The following UNC5D variants were observed in gnomAD, a reference collection of about 807,000 sequenced individuals.
UNC5D encodes unc-5 netrin receptor D, also known as netrin receptor UNC5D.
Under a neutral mutation model 105.4 loss-of-function variants are expected in UNC5D, and 39 were observed. That is an observed-to-expected ratio of 0.37 (90% CI 0.29 to 0.48). The LOEUF (loss-of-function observed/expected upper bound fraction) is 0.48. Ranked by LOEUF, UNC5D falls within the 20% of genes least tolerant of loss-of-function variation. The probability of loss-of-function intolerance (pLI) is 0.98; values close to 1 mark genes in which losing one functional copy is unlikely to be tolerated. For missense variants in UNC5D, 991 were observed against 1,202.4 expected (o/e 0.82, Z 2.60); for synonymous variants, 452 against 450.4 (o/e 1.00, Z -0.04).
At chr8:35,265,040 C>T (rs371559351) in intron 1 of UNC5D, among the ~76,000 whole-genome samples, 16 of 152,314 alleles carry the variant, frequency 1.1e-4, no homozygotes, top group Admixed American at 7.2e-4. Flanking sequence ...AAGAGATGTG[C>T]TTCTCCAGGT....
At chr8:35,388,101 C>T (rs780700879) in intron 1 of UNC5D, among the ~76,000 whole-genome samples, 1 of 151,800 alleles carries the variant, frequency 6.6e-6, no homozygotes, top group South Asian at 2.1e-4. Context: ...TGGTGGGGTG[C>T]GGTGGCTCAA....
chr8:35,333,575 G>T (rs1810798103), intron 1 of UNC5D, among the ~76,000 whole-genome samples: 2 of 152,074 alleles, frequency 1.3e-5, no homozygotes, highest in South Asian at 2.1e-4. Context: ...CGCCTCCTGG[G>T]TTCAAGTGAT....
chr8:35,373,093 C>T (rs1397523574), intron 1 of UNC5D, among the ~76,000 whole-genome samples: 1 of 152,144 alleles, frequency 6.6e-6, no homozygotes, highest in Non-Finnish European at 1.5e-5. Context: ...ACTTTGATAT[C>T]CTTTCCTGAA....
At chr8:35,327,350 G>T (rs1050016009) in intron 1 of UNC5D, among the ~76,000 whole-genome samples, 1 of 152,152 alleles carries the variant, frequency 6.6e-6, no homozygotes, top group African/African-American at 2.4e-5. Flanking sequence ...TTTTCTGCAT[G>T]CCTGCTTCCC....
At chr8:35,256,964 T>G (rs3108623) in intron 1 of UNC5D, among the ~76,000 whole-genome samples, 51,716 of 146,190 alleles carry the variant, frequency 0.35, 9,762 homozygotes, top group Non-Finnish European at 0.42. Context: ...TTTTTGTTTT[T>G]TTTTTTTTTT....
intron 7 of UNC5D, among the ~76,000 whole-genome samples, chr8:35,699,800 G>T (rs968558113): frequency 6.6e-6 from 1 of 152,142 alleles, no homozygotes; most frequent in African/African-American, 2.4e-5. Context: ...GGTCTCTGAA[G>T]GGTCATTGCT....
intron 1 of UNC5D, among the ~76,000 whole-genome samples, chr8:35,315,406 T>G (rs906731225): frequency 2.6e-5 from 4 of 152,098 alleles, no homozygotes; most frequent in Admixed American, 2.6e-4. Context: ...TTGGCAATTG[T>G]TTTTCTTTTG....
At chr8:35,290,612 T>C (rs1265083351) in intron 1 of UNC5D, among the ~76,000 whole-genome samples, 3 of 152,106 alleles carry the variant, frequency 2.0e-5, no homozygotes, top group African/African-American at 7.2e-5. Flanking sequence ...TATTATATAC[T>C]TCAAAGTAAC....
chr8:35,415,527 CTT>C (rs1805472093), intron 1 of UNC5D, among the ~76,000 whole-genome samples: 4 of 152,116 alleles, frequency 2.6e-5, no homozygotes, highest in Admixed American at 2.0e-4. Context: ...AACAACCACT[CTT>C]TGGTTTCTTG....
chr8:35,614,990 G>T (rs567599777), intron 4 of UNC5D, among the ~76,000 whole-genome samples: 200 of 147,370 alleles, frequency 1.4e-3, no homozygotes, highest in African/African-American at 4.4e-3. Context: ...CAAGAGAATC[G>T]CTTGAGGCCA....
chr8:35,545,569 A>C (rs920882856), intron 1 of UNC5D, among the ~76,000 whole-genome samples: 13 of 151,992 alleles, frequency 8.6e-5, no homozygotes, highest in African/African-American at 3.1e-4. Context: ...AGCCTGACCC[A>C]GTGTGGAACT....
At chr8:35,474,316 C>A (rs1429560659) in intron 1 of UNC5D, among the ~76,000 whole-genome samples, 1 of 151,996 alleles carries the variant, frequency 6.6e-6, no homozygotes. Flanking sequence ...AGAATTGTTC[C>A]TTTTTGTTTG....
intron 9 of UNC5D, among the ~76,000 whole-genome samples, chr8:35,723,830 G>A (rs1828718159): frequency 6.6e-6 from 1 of 152,070 alleles, no homozygotes; most frequent in African/African-American, 2.4e-5. Flanking sequence ...ACAGTTTTGT[G>A]CATAAGTCCG....
At chr8:35,718,573 T>C (rs1828391357) in intron 8 of UNC5D, among the ~76,000 whole-genome samples, 1 of 152,210 alleles carries the variant, frequency 6.6e-6, no homozygotes, top group Non-Finnish European at 1.5e-5. Flanking sequence ...ATATTGTAGC[T>C]TTTGAAGAGT....
chr8:35,740,524 C>T (rs1004188284), intron 11 of UNC5D, among the ~76,000 whole-genome samples: 28 of 152,132 alleles, frequency 1.8e-4, no homozygotes, highest in Admixed American at 7.2e-4. Context: ...TGATTTAAGC[C>T]AGTAAGTCTG....
chr8:35,459,025 T>C (rs1473376107), intron 1 of UNC5D, among the ~76,000 whole-genome samples: 1 of 152,168 alleles, frequency 6.6e-6, no homozygotes, highest in Non-Finnish European at 1.5e-5. Flanking sequence ...TCCCTTGACC[T>C]CCACTCCCAC....
intron 1 of UNC5D, among the ~76,000 whole-genome samples, chr8:35,355,721 G>A (rs1452435483): frequency 6.6e-6 from 1 of 152,088 alleles, no homozygotes; most frequent in Non-Finnish European, 1.5e-5. Context: ...CTCTTAGGAA[G>A]TGATTAAGTC....
At chr8:35,535,603 A>C (rs564667027) in intron 1 of UNC5D, among the ~76,000 whole-genome samples, 19 of 152,190 alleles carry the variant, frequency 1.2e-4, no homozygotes, top group Admixed American at 1.0e-3. Flanking sequence ...AGAACTGGTT[A>C]CTGGGTTGTA....
chr8:35,675,132 G>A (rs1296460198), intron 4 of UNC5D, among the ~76,000 whole-genome samples: 7 of 152,176 alleles, frequency 4.6e-5, no homozygotes, highest in Admixed American at 2.6e-4. Flanking sequence ...TAGCCATTAT[G>A]AAATATTAGT....
Sources: allele counts gnomAD v4.1 joint callset (sites outside exome capture counted in the v4.1 genomes callset), GRCh38; gene constraint gnomAD v4.1.1; transcripts MANE v1.5; gene names NCBI Gene and HGNC (gene_info 2026-07-23, HGNC 2026-07-21).